The following FANCA variants were observed in gnomAD, a reference collection of about 807,000 sequenced individuals.
The protein encoded by FANCA is FA complementation group A.
FANCA carries 236 observed loss-of-function variants against 194.3 expected under a neutral mutation model. That is an observed-to-expected ratio of 1.21 (90% CI 1.09 to 1.35). FANCA has a LOEUF of 1.35. FANCA is among the 40% of genes most tolerant of loss of function. The pLI is 0.00. For missense variants in FANCA, 2,628 were observed against 1,813.9 expected (o/e 1.45, Z -8.15); for synonymous variants, 1,014 against 715.8 (o/e 1.42, Z -6.65).
chr16:89,746,223 G>A (rs62054606), intron 35 of FANCA, among the ~76,000 whole-genome samples: 2,007 of 152,270 alleles, frequency 0.013, 17 homozygotes, highest in Middle Eastern at 0.037. Flanking sequence ...CTCTCGTGAC[G>A]GGGCACAGGC....
intron 28 of FANCA, 24 bp from the exon 29 acceptor site, chr16:89,762,046 A>C: frequency 6.3e-7 from 1 of 1,583,086 alleles, no homozygotes; most frequent in Non-Finnish European, 8.7e-7. Context: ...CAAGCAATTC[A>C]ATACAATGAG....
rs1214190329 is a variant in FANCA at position 89,816,519 on chromosome 16, C to G, written c.79+18G>C. ...GGCCGGACGCCGCCCACTCCCGCGG[C>G]CTGCCGCGCCCACCTACCCAGCAGC... On this transcript the variant is annotated intron_variant, in intron 1 of 42. Coordinates refer to ENST00000389301, the MANE Select transcript of FANCA (RefSeq NM_000135.4). 13 of 1,483,002 alleles carry G rather than the reference C, an allele frequency of 8.8e-6. No individual in the cohort carries two copies. The Admixed American group carries it at 2.3e-4, about 26-fold the overall frequency. The allele number at this position is 1,483,002 out of a possible 1,614,324, so 91.9% of individuals were successfully genotyped here.
Position 89,799,194 on chromosome 16 carries a change from ACTC to A in FANCA, c.862_864del (p.Glu288del), listed in dbSNP as rs2040354298. ...CACCTCACGATCTTGTGAGTGGAGG[ACTC>A]CTCCTGTACTCCAGCAGCCAAAGCG... On this transcript the variant is annotated inframe_deletion, in exon 10 of 43. Coordinates refer to ENST00000389301, the MANE Select transcript of FANCA (RefSeq NM_000135.4). The A allele has an allele frequency of 1.9e-6, 3 of 1,613,928 alleles. No homozygotes were observed. Among genetic ancestry groups the A allele is most frequent in the Admixed American group, 1.7e-5 (1 of 59,966 alleles).
intron 26 of FANCA, among the ~76,000 whole-genome samples, 168 bp from the exon 27 acceptor site, chr16:89,767,405 C>G (rs1033360479): frequency 1.3e-5 from 2 of 152,182 alleles, no homozygotes; most frequent in Non-Finnish European, 2.9e-5. Flanking sequence ...TCTTGCTCTG[C>G]CGCCCAGGCT....
At chr16:89,813,670 T>C (rs1177749594) in intron 3 of FANCA, among the ~76,000 whole-genome samples, 3 of 152,108 alleles carry the variant, frequency 2.0e-5, no homozygotes, top group Admixed American at 6.6e-5. Flanking sequence ...TGACCTCAGG[T>C]GATCCGCACA....
rs2039077331 is a variant in FANCA, at chr16:89,764,990, C to T, written c.2678G>A (p.Trp893Ter). 1 of 1,614,264 alleles carries T rather than the reference C, an allele frequency of 6.2e-7. No homozygotes were observed. The highest frequency in any genetic ancestry group is 8.5e-7 in the Non-Finnish European group (1 of 1,180,052). Residue 893 changes from tryptophan (W) to a stop codon, truncating the protein, a stop_gained, in exon 28 of 43, where the codon TGG (tryptophan) becomes TAG (stop). Transcript: ENST00000389301. LOFTEE classifies it high-confidence loss of function. ...TGCAGAAGGAAGGTGCAAGGGTCTC[C>T]AGGAAAGGCTGGCTACGTCCTCCTC... The part of the protein sequence containing the change: ...LSEEDVASLS[W>*]RPLHLPSADW...
chr16:89,812,058 G>A (rs569151466), intron 3 of FANCA, among the ~76,000 whole-genome samples: 2 of 150,572 alleles, frequency 1.3e-5, no homozygotes, highest in Non-Finnish European at 3.0e-5. Context: ...AAACCGGGCC[G>A]GGCACGGTGG....
At chr16:89,804,974 T>A (rs2040583607) in intron 7 of FANCA, among the ~76,000 whole-genome samples, 2 of 152,118 alleles carry the variant, frequency 1.3e-5, no homozygotes. Context: ...AGGCGGAGGT[T>A]GCAGTGAGCT....
At chr16:89,816,128 G>A (rs895175424) in intron 1 of FANCA, 142 bp from the exon 2 acceptor site, 6 of 713,730 alleles carry the variant, frequency 8.4e-6, no homozygotes, top group African/African-American at 3.5e-5. Flanking sequence ...CAGGGCGCAG[G>A]TCTCGGGAAA....
intron 11 of FANCA, among the ~76,000 whole-genome samples, chr16:89,794,999 C>T (rs1026023006): frequency 1.3e-5 from 2 of 152,110 alleles, no homozygotes; most frequent in African/African-American, 4.8e-5. Context: ...AAAGACTAGA[C>T]AGCGGCTGGG....
chr16:89,808,700 T>A (rs962379797), intron 5 of FANCA, among the ~76,000 whole-genome samples: 2 of 152,196 alleles, frequency 1.3e-5, no homozygotes, highest in African/African-American at 2.4e-5. Flanking sequence ...TGACAGTCTC[T>A]CCTTCAGAAG....
rs868117262 is a variant in FANCA, at chr16:89,759,930, G to A, written c.2853-1225C>T. Among the ~76,000 whole-genome samples the A allele has an allele frequency of 6.6e-5, 10 of 151,926 alleles. 1 individual carries two copies. The South Asian group carries it at 1.5e-3, about 22-fold the overall frequency. ...CTGGGGTGCTCCACCCACGCTGTGCGGGACCTGGGTGCTCCACCCACGCTG... is the reference window on the plus strand; with the variant it reads ...CTGGGGTGCTCCACCCACGCTGTGCAGGACCTGGGTGCTCCACCCACGCTG... On this transcript the variant is annotated intron_variant, in intron 29 of 42. Coordinates refer to ENST00000389301, the MANE Select transcript of FANCA (RefSeq NM_000135.4).
At chr16:89,805,896 CTT>C (rs1026461389) in intron 6 of FANCA, among the ~76,000 whole-genome samples, 6 of 151,784 alleles carry the variant, frequency 4.0e-5, no homozygotes, top group African/African-American at 9.7e-5. Flanking sequence ...ATTTATTCCT[CTT>C]TGTTTTATGG....
At chr16:89,755,706 C>T (rs563176329) in intron 30 of FANCA, among the ~76,000 whole-genome samples, 2 of 152,276 alleles carry the variant, frequency 1.3e-5, no homozygotes, top group Non-Finnish European at 2.9e-5. Context: ...ATATAAAGAA[C>T]TCATACAACT....
At chr16:89,816,494 G>A (rs971315661) in intron 1 of FANCA, 43 bp downstream of exon 1, 15 of 1,453,526 alleles carry the variant, frequency 1.0e-5, no homozygotes, top group Non-Finnish European at 1.4e-5. Flanking sequence ...AACCGTCCCG[G>A]GCCGGACGCC....
chr16:89,798,553 A>T, intron 10 of FANCA: 1 of 1,125,204 alleles, frequency 8.9e-7, no homozygotes, highest in Non-Finnish European at 1.1e-6. Context: ...TCCCCTGCCC[A>T]CACTAGAGGG....
chr16:89,799,388 C>T lies in FANCA; in HGVS notation c.827-156G>A, dbSNP rs797045571. On this transcript the variant is annotated intron_variant, in intron 9 of 42. Coordinates refer to ENST00000389301, the MANE Select transcript of FANCA (RefSeq NM_000135.4). Reference sequence around the variant, plus strand: ...TACAATCTGTAGGCCTTAATCAAAACACACAGACAAGAAAATGCTTCCCTG... The same window carrying T: ...TACAATCTGTAGGCCTTAATCAAAATACACAGACAAGAAAATGCTTCCCTG... Among the ~76,000 whole-genome samples the T allele has an allele frequency of 3.3e-5, 5 of 152,186 alleles. No individual in the cohort carries two copies. The highest frequency in any genetic ancestry group is 3.3e-4 in the Admixed American group (5 of 15,284).
chr16:89,791,047 TTGG>T, intron 14 of FANCA: 1 of 166,336 alleles, frequency 6.0e-6, no homozygotes, highest in East Asian at 1.5e-4. Flanking sequence ...TTTTTTTTTT[TTGG>T]TGGAGATGAG....
In FANCA at chr16:89,811,057, C is replaced by A; in HGVS notation, c.298G>T (p.Asp100Tyr). ...SSSFIGSALQ[D>Y]QASRLGVPVG... The stretch of plus-strand genomic sequence containing the variant: ...GGAACCCCCAGCCTTGAGGCTTGAT[C>A]CTGCAAAGCAGAGCCTTAAACACAA... Residue 100 changes from aspartate (D) to tyrosine (Y), a missense_variant, in exon 4 of 43, where the codon GAT (aspartate) becomes TAT (tyrosine). Physicochemically the swap from Asp to Tyr is radical, Grantham distance 160. Transcript: ENST00000389301. The A allele has an allele frequency of 6.2e-7, 1 of 1,614,020 alleles. No individual in the cohort carries two copies. The highest frequency in any genetic ancestry group is 8.5e-7 in the Non-Finnish European group (1 of 1,180,024).
Sources: allele counts gnomAD v4.1 joint callset (sites outside exome capture counted in the v4.1 genomes callset), GRCh38; gene constraint gnomAD v4.1.1; transcripts MANE v1.5; gene names NCBI Gene and HGNC (gene_info 2026-07-23, HGNC 2026-07-21).